Variants in GRIK4 observed in about 807,000 individuals in gnomAD.
GRIK4 encodes glutamate ionotropic receptor kainate type subunit 4.
A neutral mutation model predicts 104.9 loss-of-function variants in GRIK4; 40 were observed. That is an observed-to-expected ratio of 0.38 (90% CI 0.30 to 0.50). The LOEUF is 0.50. Ranked by LOEUF, GRIK4 falls within the 20% of genes least tolerant of loss-of-function variation. The pLI is 0.93. For missense variants in GRIK4, 1,047 were observed against 1,308.1 expected, an observed-to-expected ratio of 0.80 and a Z score of 3.08; for synonymous variants, 485 against 524.9, an observed-to-expected ratio of 0.92 and a Z score of 1.04.
At chr11:120,636,534 T>G (rs1949398825) in intron 1 of GRIK4, among the ~76,000 whole-genome samples, 1 of 152,132 alleles carries the variant, frequency 6.6e-6, no homozygotes, top group African/African-American at 2.4e-5. Flanking sequence ...CAGTTCGGAT[T>G]CTTCCCTAGA....
intron 1 of GRIK4, among the ~76,000 whole-genome samples, chr11:120,636,928 A>G (rs1215538918): frequency 6.6e-6 from 1 of 152,206 alleles, no homozygotes; most frequent in East Asian, 1.9e-4. Context: ...GCTGGAGGCC[A>G]TGGCCATGGT....
In GRIK4 at chr11:120,986,016, C is replaced by G; in HGVS notation, c.2627C>G (p.Pro876Arg). The part of the protein sequence containing the change: ...AAVPPPRPPI[P>R]EERRPRGTAT... Reference sequence around the variant, plus strand: ...GTCCCGCCGCCCCGGCCCCCCATCCCCGAGGAGCGCCGACCGCGGGGCACG... The same window carrying G: ...GTCCCGCCGCCCCGGCCCCCCATCCGCGAGGAGCGCCGACCGCGGGGCACG... The change falls in exon 21 of 21, where the codon CCC becomes CGC. Residue 876 changes from proline to arginine, a missense_variant. By Grantham distance (103) the Pro-to-Arg change is moderately radical. Around this residue, in one of 3 missense-constraint regions of GRIK4, gnomAD observed 160 missense variants for 140.9 expected, o/e 1.14. Transcript: ENST00000527524. 6.5e-7 allele frequency: 1 copy of G among 1,526,792 alleles called. No homozygotes were observed. The allele number at this position is 1,526,792 out of a possible 1,614,324, so 94.6% of individuals were successfully genotyped here.
intron 8 of GRIK4, among the ~76,000 whole-genome samples, chr11:120,850,905 G>A (rs1953959396): frequency 6.6e-6 from 1 of 151,510 alleles, no homozygotes; most frequent in Admixed American, 6.6e-5. Context: ...AAGCAATCCA[G>A]CTTCTCCATC....
In GRIK4 at chr11:120,967,262, C is replaced by G; in HGVS notation, c.2334C>G (p.Ile778Met). ...LQLQENNRLE[I>M]LKRKWWEGGK... ...TGCAGGAGAACAACCGCCTGGAGAT[C>G]CTGAAGCGCAAATGGTGGGAAGGAG... The change falls in exon 19 of 21, where the codon ATC becomes ATG. Residue 778 changes from isoleucine to methionine, a missense_variant. Ile to Met is a conservative substitution (Grantham distance 10). This residue lies in a region of GRIK4 where 440 missense variants were observed against 652.3 expected (regional missense o/e 0.67). Coordinates refer to ENST00000527524, the MANE Select transcript of GRIK4 (RefSeq NM_014619.5). The surrounding 1 kb of genome is among the most constrained non-coding windows in gnomAD (Gnocchi z 4.2). 6.2e-7 allele frequency: 1 copy of G among 1,613,862 alleles called. No homozygotes were observed.
At chr11:120,672,407 ACT>A (rs1950034550) in intron 3 of GRIK4, among the ~76,000 whole-genome samples, 1 of 151,944 alleles carries the variant, frequency 6.6e-6, no homozygotes. Flanking sequence ...CAAGAGTGAA[ACT>A]CTGTCTTAAA....
At chr11:120,825,397 C>T (rs1203975646) in intron 6 of GRIK4, among the ~76,000 whole-genome samples, 1 of 152,222 alleles carries the variant, frequency 6.6e-6, no homozygotes, top group Admixed American at 6.5e-5. Flanking sequence ...GGGGATTCAA[C>T]AGATGACACC....
chr11:120,822,095 C>G (rs536892026), intron 6 of GRIK4, among the ~76,000 whole-genome samples: 1 of 151,418 alleles, frequency 6.6e-6, no homozygotes, highest in East Asian at 1.9e-4. Flanking sequence ...CCTGTAATCC[C>G]AGCTACTTGG....
At chr11:120,643,498 GA>G (rs1415917876) in intron 1 of GRIK4, among the ~76,000 whole-genome samples, 1 of 152,214 alleles carries the variant, frequency 6.6e-6, no homozygotes, top group African/African-American at 2.4e-5. Flanking sequence ...GCCCACCGCT[GA>G]TATTGGGGGT....
chr11:120,957,590 A>AAT (rs1944186584), intron 16 of GRIK4, among the ~76,000 whole-genome samples: 13 of 31,154 alleles, frequency 4.2e-4, no homozygotes, highest in South Asian at 1.7e-3. Context: ...AGACAAAACA[A>AAT]ATGTGTGTGT....
chr11:120,701,309 A>G (rs1229663783), intron 3 of GRIK4, among the ~76,000 whole-genome samples: 8 of 151,936 alleles, frequency 5.3e-5, no homozygotes, highest in Admixed American at 3.3e-4. Flanking sequence ...CATAATAACC[A>G]TTGCTTCCTT....
intron 11 of GRIK4, among the ~76,000 whole-genome samples, chr11:120,883,401 A>G (rs1955024217): frequency 6.6e-6 from 1 of 152,172 alleles, no homozygotes; most frequent in Non-Finnish European, 1.5e-5. Flanking sequence ...CCAATCACTG[A>G]TATCTTTCCC....
intron 8 of GRIK4, among the ~76,000 whole-genome samples, chr11:120,839,511 A>G (rs79925928): frequency 0.014 from 2,180 of 152,324 alleles, 54 homozygotes; most frequent in African/African-American, 0.049. Context: ...ATACGAGTTT[A>G]TTTAGGAGAA....
intron 1 of GRIK4, among the ~76,000 whole-genome samples, chr11:120,644,203 G>A (rs112370801): frequency 9.9e-5 from 15 of 152,110 alleles, no homozygotes; most frequent in African/African-American, 3.1e-4. Flanking sequence ...CTTATGCCTC[G>A]CACACATTAA....
chr11:120,868,263 C>G (rs1405469885), intron 9 of GRIK4: 1 of 151,866 alleles, frequency 6.6e-6, no homozygotes, highest in Non-Finnish European at 1.5e-5. Flanking sequence ...GCAAACAGCT[C>G]AAAAGAAAAT....
intron 20 of GRIK4, among the ~76,000 whole-genome samples, chr11:120,982,868 C>T (rs646543): frequency 0.77 from 117,591 of 152,120 alleles, 45,648 homozygotes; most frequent in Admixed American, 0.82. Flanking sequence ...CCTGGAAGTC[C>T]GTGGAGTCTG....
chr11:120,511,971 T>TCCCGCA (rs531064757), intron 1 of GRIK4, 84 bp downstream of exon 1: 10,971 of 135,156 alleles, frequency 0.081, 692 homozygotes, highest in African/African-American at 0.15. Flanking sequence ...CGCTGGCCCT[T>TCCCGCA]CCCGCACCCC....
intron 1 of GRIK4, among the ~76,000 whole-genome samples, chr11:120,567,995 C>T: frequency 6.6e-6 from 1 of 152,148 alleles, no homozygotes; most frequent in East Asian, 1.9e-4. Context: ...GCCTGGGAAA[C>T]AGGAAGACCC....
chr11:120,799,745 C>G (rs1645160959), intron 3 of GRIK4, among the ~76,000 whole-genome samples: 1 of 152,216 alleles, frequency 6.6e-6, no homozygotes. Context: ...GCTTGTGTGT[C>G]ATGGATCCAG....
At chr11:120,663,310 G>C (rs976812782) in intron 3 of GRIK4, among the ~76,000 whole-genome samples, 4 of 152,148 alleles carry the variant, frequency 2.6e-5, no homozygotes, top group Admixed American at 2.6e-4. Flanking sequence ...TGCAAATGAG[G>C]AAACAGGGTC....
Sources: allele counts gnomAD v4.1 joint callset (sites outside exome capture counted in the v4.1 genomes callset), GRCh38; gene constraint gnomAD v4.1.1; regional missense constraint gnomAD v4.1.1; non-coding constraint Gnocchi (gnomAD v3.1); transcripts MANE v1.5; gene names NCBI Gene and HGNC (gene_info 2026-07-23, HGNC 2026-07-21).